The following YIPF3 variants were observed in gnomAD, a reference collection of about 807,000 sequenced individuals.
The protein encoded by YIPF3 is protein YIPF3.
In YIPF3, 18 loss-of-function variants were observed where a neutral mutation model predicts 40.3. The ratio of observed to expected loss-of-function variants is 0.45; its 90% CI spans 0.31 to 0.66. YIPF3 has a LOEUF of 0.66. YIPF3 is among the 30% of genes least tolerant of loss of function. The probability of loss-of-function intolerance (pLI) is 0.07; values close to 1 mark genes in which losing one functional copy is unlikely to be tolerated. For synonymous variants in YIPF3, 190 were observed against 179.6 expected, an observed-to-expected ratio of 1.06 and a Z score of -0.46; for missense variants, 406 against 452.2, an observed-to-expected ratio of 0.90 and a Z score of 0.93.
intron 3 of YIPF3, 180 bp from the exon 4 acceptor site, chr6:43,513,813 T>C: frequency 1.8e-6 from 1 of 549,644 alleles, no homozygotes. Flanking sequence ...AATCATTTCC[T>C]TGCCCCTAAA....
In YIPF3 at chr6:43,512,535, C is replaced by T; in HGVS notation, c.809G>A (p.Gly270Asp). ...ACAGAGGAGCAGCCGCTGTGTGGGG[C>T]CCACGGTCCGAGACACCAACACTGC... The part of the protein sequence containing the change: ...MVAVLVSRTV[G>D]PTQRLLLCGT... Residue 270 changes from glycine to aspartate, a missense_variant, in exon 8 of 9, where the codon GGC becomes GAC. By Grantham distance (94) the Gly-to-Asp change is moderately conservative. Coordinates refer to ENST00000372422, the MANE Select transcript of YIPF3 (RefSeq NM_015388.4). 2 of 1,612,320 alleles carry T rather than the reference C, an allele frequency of 1.2e-6. No individual in the cohort carries two copies. The highest frequency in any genetic ancestry group is 1.1e-5 in the South Asian group (1 of 90,916).
intron 2 of YIPF3, 88 bp downstream of exon 2, chr6:43,515,801 C>G (rs2231765): frequency 0.038 from 60,759 of 1,597,512 alleles, 1,625 homozygotes; most frequent in African/African-American, 0.11. Flanking sequence ...ACTGGACAAC[C>G]TGGGGCGAAC....
rs1792685393 is a variant in YIPF3 at position 43,512,230 on chromosome 6, C to A, written c.990G>T (p.Arg330=). ...RDIPAMLPAA[R]LPTTVLNATA... ...TGGCGTTGAGGACGGTGGTGGGAAG[C>A]CGAGCAGCAGGGAGCATGGCAGGGA... Residue 330 remains arginine (R), a synonymous_variant, in exon 9 of 9, where the codon CGG becomes CGT. Transcript: ENST00000372422. 6.2e-7 allele frequency: 1 copy of A among 1,613,980 alleles called. No individual in the cohort carries two copies. Among genetic ancestry groups the A allele is most frequent in the South Asian group, 1.1e-5 (1 of 91,086 alleles).
chr6:43,516,663 C>T, intron 1 of YIPF3, 64 bp downstream of exon 1: 11 of 1,588,440 alleles, frequency 6.9e-6, no homozygotes, highest in Non-Finnish European at 9.4e-6. Context: ...GGGGGAATCC[C>T]CAAGACACTT....
Position 43,511,999 on chromosome 6 carries a change from T to C in YIPF3, c.*168A>G, listed in dbSNP as rs1582170924. ...AGTCCTGGCCAGGAGTTCTTGGCCT[T>C]GTGCCTTTCAGAAGTGCCGACAGGC... is the stretch of plus-strand genomic sequence containing the variant. On this transcript the variant is annotated 3_prime_UTR_variant, in exon 9 of 9. Transcript: ENST00000372422. 1 of 1,120,836 alleles carries C rather than the reference T, an allele frequency of 8.9e-7. No homozygotes were observed. The highest frequency in any genetic ancestry group is 2.5e-5 in the East Asian group (1 of 40,792). 69.4% of individuals were successfully genotyped at this position (1,120,836 alleles called of 1,614,324 possible). A position where few individuals can be genotyped will look rare whatever the true frequency, so the allele number is the denominator to read the frequency against.
chr6:43,512,713 A>T, intron 7 of YIPF3, 48 bp downstream of exon 7: 1 of 1,587,518 alleles, frequency 6.3e-7, no homozygotes, highest in Admixed American at 1.8e-5. Flanking sequence ...GTCTTCCCCA[A>T]CTCCCTGGGA....
At position 43,515,692 on chromosome 6, in the gene YIPF3, C is replaced by T. The variant is rs1792796774; in HGVS notation, c.298G>A (p.Ala100Thr). The change falls in exon 3 of 9, where the codon GCT becomes ACT. Residue 100 changes from alanine to threonine, a missense_variant. Physicochemically the swap from Ala to Thr is moderately conservative, Grantham distance 58. Coordinates refer to ENST00000372422, the MANE Select transcript of YIPF3 (RefSeq NM_015388.4). ...GCCCTGGAGGCTTGTCTTTTCCCAGCCTGCCACATCTGAAGTAAGGAAGAT... is the reference window on the plus strand; with the variant it reads ...GCCCTGGAGGCTTGTCTTTTCCCAGTCTGCCACATCTGAAGTAAGGAAGAT... The part of the protein sequence containing the change: ...SRQVADQMWQ[A>T]GKRQASRAFS... 6.2e-7 allele frequency: 1 copy of T among 1,614,036 alleles called. No homozygotes were observed. The highest frequency in any genetic ancestry group is 8.5e-7 in the Non-Finnish European group (1 of 1,180,048).
chr6:43,513,009 C>A lies in YIPF3; in HGVS notation c.666+60G>T, dbSNP rs986268543. ...GGCTTTGGGGCCCCAGGACAGATGC[C>A]GACCAAGGCCTGGCTACTCTTTTTA... On this transcript the variant is annotated intron_variant, in intron 6 of 8. Coordinates refer to ENST00000372422, the MANE Select transcript of YIPF3 (RefSeq NM_015388.4). 5.5e-5 allele frequency: 88 copies of A among 1,604,556 alleles called. No homozygotes were observed. The Middle Eastern group carries it at 3.8e-3, about 70-fold the overall frequency.
intron 1 of YIPF3, 92 bp downstream of exon 1, chr6:43,516,635 C>G (rs1450714190): frequency 1.3e-5 from 18 of 1,435,492 alleles, no homozygotes; most frequent in Non-Finnish European, 1.6e-5. Context: ...GTAAATGGAG[C>G]GGACTTCCAG....
Position 43,516,723 on chromosome 6 carries a change from T to C in YIPF3, c.81+4A>G. 6.2e-7 allele frequency: 1 copy of C among 1,612,872 alleles called. No homozygotes were observed. The highest frequency in any genetic ancestry group is 8.5e-7 in the Non-Finnish European group (1 of 1,179,824). On this transcript the variant is annotated splice_donor_region_variant and intron_variant, in intron 1 of 8. Coordinates refer to ENST00000372422, the MANE Select transcript of YIPF3 (RefSeq NM_015388.4). ...GCTGGCAGCTGGTGCCTTGGGGCCATTACCTGGATGTTTTCTTCGAACCCT... is the reference window on the plus strand; with the variant it reads ...GCTGGCAGCTGGTGCCTTGGGGCCACTACCTGGATGTTTTCTTCGAACCCT...
chr6:43,512,259 C>T lies in YIPF3; in HGVS notation c.961G>A (p.Asp321Asn), dbSNP rs778965724. 1.2e-6 allele frequency: 2 copies of T among 1,613,078 alleles called. No homozygotes were observed. The highest frequency in any genetic ancestry group is 3.3e-5 in the Admixed American group (2 of 59,900). Residue 321 changes from aspartate (D) to asparagine (N), a missense_variant, in exon 9 of 9, where the codon GAC becomes AAC. Asp to Asn is a conservative substitution (Grantham distance 23). Coordinates refer to ENST00000372422, the MANE Select transcript of YIPF3 (RefSeq NM_015388.4). ...NIPPIQRVPR[D>N]IPAMLPAARL... ...GCAGCAGGGAGCATGGCAGGGATGT[C>T]TCTGGGGACCCTCTGGATGGGCGGG...
At position 43,512,811 on chromosome 6, in the gene YIPF3, G is replaced by C; in HGVS notation, c.730C>G (p.Leu244Val). 6.2e-7 allele frequency: 1 copy of C among 1,614,104 alleles called. No individual in the cohort carries two copies. The highest frequency in any genetic ancestry group is 8.5e-7 in the Non-Finnish European group (1 of 1,180,026). Residue 244 changes from leucine to valine, a missense_variant, in exon 7 of 9, where the codon CTC becomes GTC. Coordinates refer to ENST00000372422, the MANE Select transcript of YIPF3 (RefSeq NM_015388.4). Reference sequence around the variant, plus strand: ...ACCAACAGCCAGAAGAGGTAGAAGAGGGCGTGGAGGTGGATATTATAGGTG... The same window carrying C: ...ACCAACAGCCAGAAGAGGTAGAAGACGGCGTGGAGGTGGATATTATAGGTG... ...FITYNIHLHA[L>V]FYLFWLLVGG...
chr6:43,515,252 A>G (rs1792765979), intron 3 of YIPF3: 1 of 466,834 alleles, frequency 2.1e-6, no homozygotes, highest in South Asian at 1.5e-5. Context: ...TCGGCCTCCC[A>G]AAGTGCTGGG....
intron 3 of YIPF3, 151 bp from the exon 4 acceptor site, chr6:43,513,784 G>A: frequency 1.5e-6 from 1 of 650,068 alleles, no homozygotes; most frequent in Non-Finnish European, 2.4e-6. Flanking sequence ...GGGTAGTAAA[G>A]ACAGATAGGG....
Position 43,512,164 on chromosome 6 carries a change from G to T in YIPF3, c.*3C>A, listed in dbSNP as rs1370953397. ...GAGGACTGGCCAAGAATTTCAGGTGGGGTCAGTGTGACTGCAGGGTCACCG... is the reference window on the plus strand; with the variant it reads ...GAGGACTGGCCAAGAATTTCAGGTGTGGTCAGTGTGACTGCAGGGTCACCG... On this transcript the variant is annotated 3_prime_UTR_variant, in exon 9 of 9. Coordinates refer to ENST00000372422, the MANE Select transcript of YIPF3 (RefSeq NM_015388.4). 12 of 1,614,080 alleles carry T rather than the reference G, an allele frequency of 7.4e-6. No homozygotes were observed. Among genetic ancestry groups the T allele is most frequent in the Non-Finnish European group, 9.3e-6 (11 of 1,180,046 alleles).
At position 43,515,980 on chromosome 6, in the gene YIPF3, G is replaced by T; in HGVS notation, c.197C>A (p.Ala66Glu). The change falls in exon 2 of 9, where the codon GCA (alanine) becomes GAA (glutamate). Residue 66 changes from alanine (A) to glutamate (E), a missense_variant. By Grantham distance (107) the Ala-to-Glu change is moderately radical. Coordinates refer to ENST00000372422, the MANE Select transcript of YIPF3 (RefSeq NM_015388.4). ...RLREEEVDAD[A>E]ADAAAAEEED... ...CTCTTCAGCAGCAGCTGCATCAGCT[G>T]CATCAGCGTCTACTTCTTCCTCGCG... 1 of 1,614,146 alleles carries T rather than the reference G, an allele frequency of 6.2e-7. No individual in the cohort carries two copies. The highest frequency in any genetic ancestry group is 8.5e-7 in the Non-Finnish European group (1 of 1,179,986).
intron 3 of YIPF3, 92 bp from the exon 4 acceptor site, chr6:43,513,725 A>G (rs1792717376): frequency 1.5e-6 from 2 of 1,302,342 alleles, no homozygotes; most frequent in East Asian, 2.4e-5. Flanking sequence ...CTCTAACTCC[A>G]GGGAATGGGG....
intron 1 of YIPF3, chr6:43,516,466 G>T: frequency 3.3e-6 from 2 of 615,380 alleles, no homozygotes; most frequent in South Asian, 2.1e-5. Flanking sequence ...GCCTTACCCC[G>T]ACCAACCTCC....
In YIPF3 at chr6:43,511,903, A is replaced by T. The variant is rs1255469139; in HGVS notation, c.*264T>A. ...AGACAATGTGGGAGAGATAAAGAGG[A>T]AGGAAGGGGTAGGTGGGGAGGGGTT... On this transcript the variant is annotated 3_prime_UTR_variant, in exon 9 of 9. Coordinates refer to ENST00000372422, the MANE Select transcript of YIPF3 (RefSeq NM_015388.4). 1 of 500,386 alleles carries T rather than the reference A, an allele frequency of 2.0e-6. No individual in the cohort carries two copies. The highest frequency in any genetic ancestry group is 3.5e-6 in the Non-Finnish European group (1 of 283,550). 31.0% of individuals were successfully genotyped at this position (500,386 alleles called of 1,614,324 possible).
Sources: gnomAD v4.1 joint callset for allele counts on GRCh38, gnomAD v4.1.1 for gene constraint, MANE v1.5 for transcripts, NCBI Gene and HGNC (gene_info 2026-07-23, HGNC 2026-07-21) for gene names.